The following FGF12 variants were observed in gnomAD, a reference collection of about 807,000 sequenced individuals.
The protein encoded by FGF12 is fibroblast growth factor 12, also known as fibroblast growth factor 12B.
In FGF12, 14 loss-of-function variants were observed where a neutral mutation model predicts 23.6. The observed-to-expected ratio is 0.59, with a 90% CI of 0.39 to 0.93. The LOEUF (loss-of-function observed/expected upper bound fraction) is 0.93. Ranked by LOEUF, FGF12 falls within the 40% of genes least tolerant of loss-of-function variation. The pLI, the probability that FGF12 is intolerant of heterozygous loss-of-function variation, is 0.00. For missense variants in FGF12, 175 were observed against 217.8 expected (o/e 0.80, Z 1.24); for synonymous variants, 62 against 77.3 (o/e 0.80, Z 1.04).
At chr3:192,391,144 G>A (rs1560096619) in intron 2 of FGF12, among the ~76,000 whole-genome samples, 1 of 152,164 alleles carries the variant, frequency 6.6e-6, no homozygotes, top group Non-Finnish European at 1.5e-5. Flanking sequence ...AAGATGCACC[G>A]CTTGGGGATT....
chr3:192,587,591 G>A (rs1229690395), intron 2 of FGF12, among the ~76,000 whole-genome samples: 1 of 151,930 alleles, frequency 6.6e-6, no homozygotes, highest in Non-Finnish European at 1.5e-5. Flanking sequence ...TGAGGCAGGA[G>A]GATCAGTGGA....
At chr3:192,307,618 AC>A (rs1715718156) in intron 4 of FGF12, among the ~76,000 whole-genome samples, 1 of 152,230 alleles carries the variant, frequency 6.6e-6, no homozygotes, top group African/African-American at 2.4e-5. Flanking sequence ...ATAACAGTTT[AC>A]TGTTAGGGGA....
chr3:192,437,285 G>A (rs1186348265), intron 2 of FGF12, among the ~76,000 whole-genome samples: 1 of 152,192 alleles, frequency 6.6e-6, no homozygotes, highest in Admixed American at 6.5e-5. Flanking sequence ...CTTTGTTAAA[G>A]AAGTTCATCA....
At chr3:192,461,013 G>T (rs1340525962) in intron 2 of FGF12, among the ~76,000 whole-genome samples, 1 of 151,924 alleles carries the variant, frequency 6.6e-6, no homozygotes, top group Non-Finnish European at 1.5e-5. Flanking sequence ...AGTGATATGG[G>T]GGCCAGTTTT....
rs1006207596 is a variant in FGF12, at chr3:192,141,203, A to G, written c.*2806T>C. ...AGTGACGAATGAATTGAAGACCCAGAAATCAGAACAATGAAAATCAAAGAA... is the reference window on the plus strand; with the variant it reads ...AGTGACGAATGAATTGAAGACCCAGGAATCAGAACAATGAAAATCAAAGAA... On this transcript the variant is annotated 3_prime_UTR_variant, in exon 6 of 6. Transcript: ENST00000445105. The G allele has an allele frequency of 6.6e-6, 1 of 150,910 alleles. No individual in the cohort carries two copies. The highest frequency in any genetic ancestry group is 6.6e-5 in the Admixed American group (1 of 15,148). 9.3% of individuals were successfully genotyped at this position (150,910 alleles called of 1,614,324 possible).
intron 2 of FGF12, among the ~76,000 whole-genome samples, chr3:192,528,311 A>G (rs1055830755): frequency 6.6e-6 from 1 of 152,200 alleles, no homozygotes; most frequent in African/African-American, 2.4e-5. Flanking sequence ...CCAGTGGGGT[A>G]GTCAAATCTC....
chr3:192,156,227 C>G (rs1714408273), intron 5 of FGF12, among the ~76,000 whole-genome samples: 4 of 152,166 alleles, frequency 2.6e-5, no homozygotes, highest in Admixed American at 2.0e-4. Context: ...CAGAAACTCC[C>G]TATCTTTCTT....
At chr3:192,257,432 C>T (rs1248527642) in intron 4 of FGF12, among the ~76,000 whole-genome samples, 1 of 152,268 alleles carries the variant, frequency 6.6e-6, no homozygotes, top group Middle Eastern at 3.4e-3. Context: ...CAGTTGCACA[C>T]ATATTGCTTG....
At chr3:192,165,350 G>A (rs960771977) in intron 5 of FGF12, among the ~76,000 whole-genome samples, 1 of 151,588 alleles carries the variant, frequency 6.6e-6, no homozygotes, top group Non-Finnish European at 1.5e-5. Flanking sequence ...AGCTCATAAA[G>A]CTGTAATTTA....
intron 4 of FGF12, among the ~76,000 whole-genome samples, chr3:192,323,025 C>G (rs970165741): frequency 1.3e-5 from 2 of 152,272 alleles, no homozygotes; most frequent in Admixed American, 1.3e-4. Context: ...GATGGGATAT[C>G]ATGTCACTCT....
chr3:192,366,986 A>C (rs1283135524), intron 2 of FGF12, among the ~76,000 whole-genome samples: 1 of 152,246 alleles, frequency 6.6e-6, no homozygotes, highest in African/African-American at 2.4e-5. Flanking sequence ...CTAAGGAAAG[A>C]GTGAGTTTTC....
chr3:192,395,067 C>T (rs1267657480), intron 2 of FGF12, among the ~76,000 whole-genome samples: 1 of 152,160 alleles, frequency 6.6e-6, no homozygotes, highest in African/African-American at 2.4e-5. Context: ...AAAGGTTATT[C>T]CTCATTAACC....
chr3:192,225,312 C>T (rs1363299000), intron 4 of FGF12, among the ~76,000 whole-genome samples: 1 of 152,104 alleles, frequency 6.6e-6, no homozygotes, highest in African/African-American at 2.4e-5. Flanking sequence ...ATTCCATCGT[C>T]ATTCTCTGCC....
At chr3:192,642,297 GA>G (rs1407930764) in intron 2 of FGF12, among the ~76,000 whole-genome samples, 1 of 152,138 alleles carries the variant, frequency 6.6e-6, no homozygotes, top group Non-Finnish European at 1.5e-5. Flanking sequence ...CAGGCTCCGA[GA>G]ATTCGAAACA....
chr3:192,180,386 G>T (rs1386057798), intron 4 of FGF12, among the ~76,000 whole-genome samples: 1 of 152,178 alleles, frequency 6.6e-6, no homozygotes, highest in Non-Finnish European at 1.5e-5. Context: ...GCAGATATTG[G>T]AGGGGCAGCA....
intron 2 of FGF12, among the ~76,000 whole-genome samples, chr3:192,449,850 G>T (rs994434953): frequency 5.9e-5 from 9 of 152,160 alleles, no homozygotes; most frequent in African/African-American, 2.2e-4. Context: ...GCCTGAGGTG[G>T]GGTTAGAGGG....
chr3:192,315,981 G>A (rs2108677453), intron 4 of FGF12, among the ~76,000 whole-genome samples: 1 of 152,310 alleles, frequency 6.6e-6, no homozygotes, highest in East Asian at 1.9e-4. Flanking sequence ...GGCAATTATT[G>A]GCTCAGGTAA....
At chr3:192,350,087 A>C (rs1371025568) in intron 3 of FGF12, among the ~76,000 whole-genome samples, 3 of 152,150 alleles carry the variant, frequency 2.0e-5, no homozygotes, top group Non-Finnish European at 4.4e-5. Context: ...GGCGTTACTC[A>C]TTATTAAGAA....
chr3:192,645,156 G>A (rs2108669520), intron 2 of FGF12, among the ~76,000 whole-genome samples: 1 of 152,232 alleles, frequency 6.6e-6, no homozygotes, highest in South Asian at 2.1e-4. Flanking sequence ...GATCTCACCT[G>A]TAAGAAATAA....
Sources: allele counts gnomAD v4.1 joint callset (sites outside exome capture counted in the v4.1 genomes callset), GRCh38; gene constraint gnomAD v4.1.1; transcripts MANE v1.5; gene names NCBI Gene and HGNC (gene_info 2026-07-23, HGNC 2026-07-21).